Variants in STAC observed in about 807,000 individuals in gnomAD.
STAC encodes the protein SH3 and cysteine-rich domain-containing protein.
STAC carries 43 observed loss-of-function variants against 48.8 expected under a neutral mutation model. The ratio of observed to expected loss-of-function variants is 0.88; its 90% confidence interval spans 0.69 to 1.14. The LOEUF (loss-of-function observed/expected upper bound fraction) is 1.14, where lower values mean the gene tolerates loss of function less well. STAC is among the 50% of genes most tolerant of loss of function. STAC has a pLI of 0.00. For synonymous variants in STAC, 193 were observed against 179.5 expected (o/e 1.07, Z -0.60); for missense variants, 497 against 504.0 (o/e 0.99, Z 0.13).
chr3:36,403,347 G>C (rs982277388), intron 1 of STAC, among the ~76,000 whole-genome samples: 8 of 151,846 alleles, frequency 5.3e-5, no homozygotes, highest in Non-Finnish European at 1.0e-4. Flanking sequence ...TTGAAATATT[G>C]AAAGTTGACA....
At position 36,494,397 on chromosome 3, in the gene STAC, G is replaced by A. The variant is rs77782931; in HGVS notation, c.766+1168G>A. ...AGCTGAATGCATTCTCATGGCAGAA[G>A]TTATCCCTCCAAACTCCACTCCAAG... On this transcript the variant is annotated intron_variant, in intron 6 of 10. Transcript: ENST00000273183. 6.7e-3 allele frequency among the ~76,000 whole-genome samples: 1,023 copies of A among 152,290 alleles called. 16 individuals are homozygous for A. Among genetic ancestry groups the A allele is most frequent in the African/African-American group, 0.023 (940 of 41,550 alleles).
At chr3:36,460,370 G>A (rs73824585) in intron 2 of STAC, among the ~76,000 whole-genome samples, 20,630 of 151,994 alleles carry the variant, frequency 0.14, 1,591 homozygotes, top group African/African-American at 0.21. Context: ...TCAGATAAAC[G>A]ACAAATTTTT....
chr3:36,443,704 G>A lies in STAC; in HGVS notation c.388+64G>A. ...CCGGAAAGCTGAGTGAGAGTGGTGT[G>A]CCACGGGTCCAGGTACCTACGGACA... On this transcript the variant is annotated intron_variant, in intron 2 of 10. Coordinates refer to ENST00000273183, the MANE Select transcript of STAC (RefSeq NM_003149.3). The surrounding 1 kb of genome is among the most constrained non-coding windows in gnomAD (Gnocchi z 4.2). 1.9e-6 allele frequency: 3 copies of A among 1,579,832 alleles called. No individual in the cohort carries two copies. Among genetic ancestry groups the A allele is most frequent in the Non-Finnish European group, 2.6e-6 (3 of 1,166,104 alleles).
At chr3:36,402,372 G>C (rs1700014247) in intron 1 of STAC, among the ~76,000 whole-genome samples, 1 of 151,926 alleles carries the variant, frequency 6.6e-6, no homozygotes, top group South Asian at 2.1e-4. Flanking sequence ...TGAGGAAGAA[G>C]GAAGGTGAGC....
intron 2 of STAC, among the ~76,000 whole-genome samples, chr3:36,445,773 T>C (rs1393574090): frequency 6.6e-6 from 1 of 152,188 alleles, no homozygotes; most frequent in Non-Finnish European, 1.5e-5. Flanking sequence ...AGAAAAGATA[T>C]TAAAGCTGTT....
intron 6 of STAC, among the ~76,000 whole-genome samples, chr3:36,500,817 A>G (rs1698265111): frequency 6.6e-6 from 1 of 152,192 alleles, no homozygotes. Context: ...TTGGCTGGGC[A>G]TGGTGGCTCA....
intron 1 of STAC, among the ~76,000 whole-genome samples, chr3:36,402,201 G>A (rs550534145): frequency 6.6e-6 from 1 of 152,162 alleles, no homozygotes; most frequent in African/African-American, 2.4e-5. Flanking sequence ...CAAAGCCAAA[G>A]AAAGAGTGAA....
At chr3:36,468,176 G>T (rs1022950229) in intron 2 of STAC, among the ~76,000 whole-genome samples, 2 of 152,020 alleles carry the variant, frequency 1.3e-5, no homozygotes, top group African/African-American at 4.8e-5. Flanking sequence ...TTTTGGAGTT[G>T]ATTTCTAAAA....
intron 1 of STAC, among the ~76,000 whole-genome samples, chr3:36,421,885 C>G (rs926255309): frequency 6.6e-6 from 1 of 152,130 alleles, no homozygotes; most frequent in South Asian, 2.1e-4. Context: ...AAGACCCCTA[C>G]TTTTCTAATC....
intron 8 of STAC, among the ~76,000 whole-genome samples, chr3:36,523,385 G>C (rs192854921): frequency 1.3e-5 from 2 of 152,304 alleles, no homozygotes; most frequent in African/African-American, 4.8e-5. Context: ...AATTGTTTAT[G>C]AATTGCATTA....
At chr3:36,526,028 C>T (rs1000275312) in intron 8 of STAC, among the ~76,000 whole-genome samples, 11 of 152,090 alleles carry the variant, frequency 7.2e-5, no homozygotes, top group East Asian at 1.9e-4. Flanking sequence ...AAAACAAGAA[C>T]GCATGCTAAG....
chr3:36,512,684 C>T (rs1384730658), intron 8 of STAC, among the ~76,000 whole-genome samples: 3 of 152,166 alleles, frequency 2.0e-5, no homozygotes, highest in Admixed American at 6.5e-5. Context: ...ACGAATGAAA[C>T]GTTTACAGTC....
intron 2 of STAC, among the ~76,000 whole-genome samples, chr3:36,466,904 TG>T (rs1394232746): frequency 6.6e-6 from 1 of 151,948 alleles, no homozygotes. Flanking sequence ...ATGTTGAAAG[TG>T]GGCATCCTAG....
At chr3:36,399,178 G>A (rs547440491) in intron 1 of STAC, among the ~76,000 whole-genome samples, 1 of 152,294 alleles carries the variant, frequency 6.6e-6, no homozygotes, top group Non-Finnish European at 1.5e-5. Flanking sequence ...TTAGTTGAGG[G>A]TGATTCTCTA....
chr3:36,416,990 CAT>C (rs1305208080), intron 1 of STAC, among the ~76,000 whole-genome samples: 1 of 152,178 alleles, frequency 6.6e-6, no homozygotes, highest in African/African-American at 2.4e-5. Flanking sequence ...TGCATTTTCA[CAT>C]TAGGCACTTT....
chr3:36,522,386 G>A (rs2125726677), intron 8 of STAC, among the ~76,000 whole-genome samples: 1 of 152,212 alleles, frequency 6.6e-6, no homozygotes, highest in African/African-American at 2.4e-5. Context: ...CATCTAATGG[G>A]CGCTTATCTA....
Position 36,515,903 on chromosome 3 carries a change from C to T in STAC, c.920+10069C>T, listed in dbSNP as rs779030280. On this transcript the variant is annotated intron_variant, in intron 8 of 10. Transcript: ENST00000273183. ...GTGGCCTTCTATCTTTGCAACTATCCGTTTAGGAACAAAAAGGAAGGCAGT... is the reference window on the plus strand; with the variant it reads ...GTGGCCTTCTATCTTTGCAACTATCTGTTTAGGAACAAAAAGGAAGGCAGT... Among the ~76,000 whole-genome samples the T allele has an allele frequency of 7.3e-5, 11 of 151,550 alleles. No individual in the cohort carries two copies. In the South Asian group the frequency reaches 1.0e-3, roughly 14 times the overall value.
At chr3:36,530,525 CTT>C (rs1276673552) in intron 10 of STAC, among the ~76,000 whole-genome samples, 1 of 149,546 alleles carries the variant, frequency 6.7e-6, no homozygotes, top group East Asian at 2.0e-4. Context: ...CTTTAACTGA[CTT>C]TATCATTTTC....
At chr3:36,516,048 A>G (rs567578050) in intron 8 of STAC, among the ~76,000 whole-genome samples, 4 of 132,496 alleles carry the variant, frequency 3.0e-5, no homozygotes, top group South Asian at 4.6e-4. Context: ...CAGTGGCGCA[A>G]TCTTGGCTCA....
Sources: allele counts gnomAD v4.1 joint callset (sites outside exome capture counted in the v4.1 genomes callset), GRCh38; gene constraint gnomAD v4.1.1; non-coding constraint Gnocchi (gnomAD v3.1); transcripts MANE v1.5; gene names NCBI Gene and HGNC (gene_info 2026-07-23, HGNC 2026-07-21).